The following PDZD2 variants were observed in gnomAD, a reference collection of about 807,000 sequenced individuals.
PDZD2 encodes PDZ domain containing 2.
Under a neutral mutation model 220.7 loss-of-function variants are expected in PDZD2, and 90 were observed. That is an observed-to-expected ratio of 0.41 (90% CI 0.34 to 0.49). The LOEUF is 0.49. Among genes scored for constraint, PDZD2 ranks in the 20% least tolerant of loss-of-function variants. The pLI, the probability that PDZD2 is intolerant of heterozygous loss-of-function variation, is 0.28. For missense variants in PDZD2, 3,174 were observed against 3,608.5 expected, an observed-to-expected ratio of 0.88 and a Z score of 3.08; for synonymous variants, 1,375 against 1,450.5, an observed-to-expected ratio of 0.95 and a Z score of 1.18.
At chr5:31,664,166 T>G (rs1276980520) in intron 1 of PDZD2, among the ~76,000 whole-genome samples, 1 of 152,088 alleles carries the variant, frequency 6.6e-6, no homozygotes, top group Non-Finnish European at 1.5e-5. Context: ...CCTCCAAGTT[T>G]TGTTTTGTTT....
intron 2 of PDZD2, among the ~76,000 whole-genome samples, chr5:31,818,324 A>T (rs1755603319): frequency 6.6e-6 from 1 of 152,138 alleles, no homozygotes; most frequent in Admixed American, 6.6e-5. Flanking sequence ...TTTCGAAAGT[A>T]GTCATCTCAC....
At chr5:31,669,694 A>G (rs1235034995) in intron 1 of PDZD2, among the ~76,000 whole-genome samples, 1 of 152,196 alleles carries the variant, frequency 6.6e-6, no homozygotes, top group Admixed American at 6.5e-5. Context: ...TATTAGGAGC[A>G]TTTGTAAAAG....
chr5:32,015,759 T>C (rs1753740765), intron 6 of PDZD2, among the ~76,000 whole-genome samples: 1 of 152,154 alleles, frequency 6.6e-6, no homozygotes, highest in South Asian at 2.1e-4. Context: ...AAACTTTAAA[T>C]TGAAGAGAAG....
At chr5:31,693,177 G>C (rs553833110) in intron 1 of PDZD2, among the ~76,000 whole-genome samples, 6 of 151,774 alleles carry the variant, frequency 4.0e-5, no homozygotes, top group Admixed American at 3.9e-4. Context: ...CTGGGTGTGG[G>C]GGTGGGAGGA....
At chr5:31,876,858 G>C (rs1739351388) in intron 2 of PDZD2, among the ~76,000 whole-genome samples, 1 of 152,184 alleles carries the variant, frequency 6.6e-6, no homozygotes. Context: ...TGGTGACCAG[G>C]TATGGCCTCA....
chr5:31,701,228 G>A (rs943045201), intron 1 of PDZD2, among the ~76,000 whole-genome samples: 13 of 152,008 alleles, frequency 8.6e-5, no homozygotes, highest in East Asian at 7.7e-4. Flanking sequence ...GCAGAGTCTC[G>A]CTCTATTACC....
intron 3 of PDZD2, among the ~76,000 whole-genome samples, chr5:31,986,261 A>G (rs62360598): frequency 0.13 from 20,179 of 152,008 alleles, 1,699 homozygotes; most frequent in Non-Finnish European, 0.19. Context: ...CCGCATGCCT[A>G]TAGAAAGGGG....
At chr5:31,934,278 T>C (rs2150395294) in intron 2 of PDZD2, among the ~76,000 whole-genome samples, 1 of 152,288 alleles carries the variant, frequency 6.6e-6, no homozygotes, top group South Asian at 2.1e-4. Context: ...GTCCACGCTT[T>C]CCTGAACTAG....
rs772208556 is a variant in PDZD2, at chr5:32,089,178, G to A, written c.5730G>A (p.Gly1910=). The A allele has an allele frequency of 2.2e-5, 35 of 1,614,060 alleles. No homozygotes were observed. Among genetic ancestry groups the A allele is most frequent in the Non-Finnish European group, 2.4e-5 (28 of 1,180,036 alleles). ...APAANAVKAG[G]TDHRKPLISP... is the part of the protein sequence containing the mutation. ...CTGCGAATGCTGTGAAGGCTGGGGG[G>A]ACGGACCACAGGAAACCCTTGATCT... is the stretch of plus-strand genomic sequence containing the variant. Residue 1910 remains glycine, a synonymous_variant, in exon 20 of 25, where the codon GGG becomes GGA. Coordinates refer to ENST00000438447, the MANE Select transcript of PDZD2 (RefSeq NM_178140.4).
intron 2 of PDZD2, among the ~76,000 whole-genome samples, chr5:31,982,706 C>G (rs1750396228): frequency 6.6e-6 from 1 of 152,204 alleles, no homozygotes; most frequent in South Asian, 2.1e-4. Context: ...AAGAGCAGAA[C>G]TTTATACTTC....
intron 1 of PDZD2, among the ~76,000 whole-genome samples, chr5:31,734,511 G>T (rs1295731685): frequency 3.3e-5 from 5 of 152,204 alleles, no homozygotes; most frequent in South Asian, 2.1e-4. Context: ...TAGGGACAGG[G>T]TTTCACCATG....
At chr5:32,044,815 A>T (rs1408985710) in intron 7 of PDZD2, among the ~76,000 whole-genome samples, 1 of 152,222 alleles carries the variant, frequency 6.6e-6, no homozygotes, top group Non-Finnish European at 1.5e-5. Flanking sequence ...TTTGACAAGC[A>T]TCAGGATAGA....
At chr5:31,969,531 A>AAAAAAAAAAAAAAAAAAAC (rs1749095050) in intron 2 of PDZD2, among the ~76,000 whole-genome samples, 10 of 145,632 alleles carry the variant, frequency 6.9e-5, no homozygotes, top group South Asian at 2.2e-4. Flanking sequence ...AAAAAAAAAA[A>AAAAAAAAAAAAAAAAAAAC]AAAACAATGG....
intron 2 of PDZD2, among the ~76,000 whole-genome samples, chr5:31,964,755 G>T (rs578214618): frequency 2.6e-5 from 4 of 152,052 alleles, no homozygotes; most frequent in African/African-American, 7.2e-5. Flanking sequence ...TCGCTCTGTC[G>T]CCCAGGCTGG....
intron 8 of PDZD2, among the ~76,000 whole-genome samples, chr5:32,050,121 G>T (rs1415783723): frequency 6.6e-6 from 1 of 152,040 alleles, no homozygotes; most frequent in African/African-American, 2.4e-5. Context: ...AGTAGAGACG[G>T]GGTTTCATCA....
chr5:32,038,128 C>T (rs1243318972), intron 7 of PDZD2, among the ~76,000 whole-genome samples: 1 of 147,524 alleles, frequency 6.8e-6, no homozygotes, highest in African/African-American at 2.5e-5. Flanking sequence ...AGGCGTGAGC[C>T]ACCGTGCCTG....
At chr5:31,926,764 A>C (rs922474487) in intron 2 of PDZD2, among the ~76,000 whole-genome samples, 6 of 152,314 alleles carry the variant, frequency 3.9e-5, no homozygotes, top group Non-Finnish European at 7.3e-5. Context: ...AGACACATGC[A>C]CTTGTATGTT....
chr5:31,856,908 C>CTATATA lies in PDZD2; in HGVS notation c.476+57207_476+57212dup, dbSNP rs61675053. ...GCGTGAGCTTCCCTCCTTATCAAAA[C>CTATATA]TATATATATATATATATATATATAT... On this transcript the variant is annotated intron_variant, in intron 2 of 24. Transcript: ENST00000438447. Among the ~76,000 whole-genome samples, 402 of 140,640 alleles carry CTATATA rather than the reference C, an allele frequency of 2.9e-3. 5 individuals are homozygous for CTATATA. The highest frequency in any genetic ancestry group is 0.01 in the African/African-American group (398 of 39,204). The allele number at this position is 140,640 out of a possible 152,430, so 92.3% of individuals were successfully genotyped here. A position where few individuals can be genotyped will look rare whatever the true frequency, so the allele number is the denominator to read the frequency against.
In PDZD2 at chr5:31,683,536, G is replaced by T. The variant is rs1006304724; in HGVS notation, c.-361+44099G>T. Among the ~76,000 whole-genome samples, 3 of 152,124 alleles carry T rather than the reference G, an allele frequency of 2.0e-5. No individual in the cohort carries two copies. In the East Asian group the frequency reaches 5.8e-4, roughly 29 times the overall value. ...TGAAAATCAAAAGACTTTGTACATG[G>T]ACACTCATACATTTACATAGAAGGA... On this transcript the variant is annotated intron_variant, in intron 1 of 24. Coordinates refer to ENST00000438447, the MANE Select transcript of PDZD2 (RefSeq NM_178140.4).
Sources: allele counts gnomAD v4.1 joint callset (sites outside exome capture counted in the v4.1 genomes callset), GRCh38; gene constraint gnomAD v4.1.1; transcripts MANE v1.5; gene names NCBI Gene and HGNC (gene_info 2026-07-23, HGNC 2026-07-21).